MARK3: variants seen among roughly 807,000 people sequenced by gnomAD.
MARK3 encodes microtubule affinity regulating kinase 3, also known as MAP/microtubule affinity-regulating kinase 3.
MARK3 carries 46 observed loss-of-function variants against 90.1 expected under a neutral mutation model. That is an observed-to-expected ratio of 0.51 (90% CI 0.40 to 0.65). The LOEUF (loss-of-function observed/expected upper bound fraction) is 0.65, where lower values mean the gene tolerates loss of function less well. MARK3 is among the 30% of genes least tolerant of loss of function. MARK3 has a pLI of 0.00. For missense variants in MARK3, 818 were observed against 947.2 expected (o/e 0.86, Z 1.79); for synonymous variants, 321 against 332.6 (o/e 0.97, Z 0.38).
At chr14:103,450,916 G>GTGTGTGTGTTT (rs1358062005) in intron 4 of MARK3, among the ~76,000 whole-genome samples, 1 of 58,128 alleles carries the variant, frequency 1.7e-5, no homozygotes, top group Non-Finnish European at 3.5e-5. Context: ...GTGTGTGTGT[G>GTGTGTGTGTTT]TATTCTTTTT....
chr14:103,498,468 TA>T, intron 15 of MARK3, 33 bp from the exon 16 acceptor site: 5 of 1,184,738 alleles, frequency 4.2e-6, no homozygotes, highest in Non-Finnish European at 1.1e-6. Context: ...TTATTTTTGT[TA>T]ATTTTTTTTT....
intron 5 of MARK3, 67 bp downstream of exon 5, chr14:103,452,050 C>T: frequency 9.7e-7 from 1 of 1,027,764 alleles, no homozygotes; most frequent in South Asian, 1.3e-5. Context: ...CACAACCATA[C>T]TGCCCATATG....
chr14:103,491,063 G>A, intron 14 of MARK3: 2 of 1,287,882 alleles, frequency 1.6e-6, no homozygotes, highest in Non-Finnish European at 2.0e-6. Context: ...ACCCCAAGAT[G>A]ATGTTACCTC....
intron 3 of MARK3, among the ~76,000 whole-genome samples, chr14:103,441,979 A>G (rs2092868008): frequency 6.6e-6 from 1 of 152,214 alleles, no homozygotes; most frequent in African/African-American, 2.4e-5. Context: ...ATTAATAGAA[A>G]CACAGGCATG....
chr14:103,420,578 T>C (rs1367254658), intron 2 of MARK3, among the ~76,000 whole-genome samples: 1 of 152,186 alleles, frequency 6.6e-6, no homozygotes, highest in Non-Finnish European at 1.5e-5. Context: ...ATAAAAGTTA[T>C]AATTTTAACC....
At chr14:103,445,871 A>G (rs948552835) in intron 3 of MARK3, among the ~76,000 whole-genome samples, 7 of 152,210 alleles carry the variant, frequency 4.6e-5, no homozygotes, top group Admixed American at 3.3e-4. Flanking sequence ...CTCTGTAACA[A>G]GCATTGTGCT....
chr14:103,477,423 T>C (rs1246079774), intron 13 of MARK3, among the ~76,000 whole-genome samples: 1 of 151,606 alleles, frequency 6.6e-6, no homozygotes, highest in Non-Finnish European at 1.5e-5. Context: ...ACCGAGAAGA[T>C]GGAGGTTGCA....
chr14:103,431,101 T>G (rs2092568351), intron 3 of MARK3, among the ~76,000 whole-genome samples: 1 of 152,194 alleles, frequency 6.6e-6, no homozygotes, highest in African/African-American at 2.4e-5. Context: ...TGTTTTTGTT[T>G]TTTTGAGATG....
At chr14:103,432,995 A>G (rs2092625504) in intron 3 of MARK3, among the ~76,000 whole-genome samples, 1 of 152,184 alleles carries the variant, frequency 6.6e-6, no homozygotes, top group South Asian at 2.1e-4. Context: ...AGTTAATGTC[A>G]GGTTACTTCA....
At chr14:103,413,528 A>C (rs1049096065) in intron 2 of MARK3, among the ~76,000 whole-genome samples, 3 of 150,112 alleles carry the variant, frequency 2.0e-5, no homozygotes, top group Non-Finnish European at 4.4e-5. Context: ...GACTCAAGCA[A>C]CCTCCCACTT....
chr14:103,459,039 G>C (rs953521367), intron 6 of MARK3, among the ~76,000 whole-genome samples: 2 of 152,054 alleles, frequency 1.3e-5, no homozygotes, highest in African/African-American at 4.8e-5. Context: ...AGGAAATTCA[G>C]ATTTTTATTA....
intron 3 of MARK3, among the ~76,000 whole-genome samples, chr14:103,444,654 G>A (rs2092948388): frequency 6.6e-6 from 1 of 152,096 alleles, no homozygotes; most frequent in Non-Finnish European, 1.5e-5. Context: ...GCGGGCACCT[G>A]TAGTCCCAGC....
At chr14:103,487,727 T>C (rs906893124) in intron 14 of MARK3, among the ~76,000 whole-genome samples, 1 of 152,166 alleles carries the variant, frequency 6.6e-6, no homozygotes, top group Non-Finnish European at 1.5e-5. Context: ...CAAGAGATAG[T>C]TGTATTTAGC....
At chr14:103,491,299 A>G (rs986387761) in intron 14 of MARK3, 1 of 236,642 alleles carries the variant, frequency 4.2e-6, no homozygotes, top group Non-Finnish European at 8.1e-6. Flanking sequence ...GCCTTCGCGT[A>G]CTACAAAATG....
chr14:103,465,332 A>C (rs1315935838), intron 7 of MARK3, among the ~76,000 whole-genome samples: 3 of 152,162 alleles, frequency 2.0e-5, no homozygotes, highest in African/African-American at 7.2e-5. Context: ...TTGATGTTTA[A>C]ATTAGTGCTA....
intron 2 of MARK3, among the ~76,000 whole-genome samples, chr14:103,411,599 C>A (rs2091633657): frequency 6.6e-6 from 1 of 151,918 alleles, no homozygotes. Context: ...GTCAAGTTCC[C>A]CTCCTGATGA....
chr14:103,469,103 T>G (rs894265420), intron 12 of MARK3: 2 of 152,166 alleles, frequency 1.3e-5, no homozygotes, highest in Admixed American at 6.5e-5. Flanking sequence ...TGGCCACTTG[T>G]GGCTATCAAG....
Position 103,412,541 on chromosome 14 carries a change from C to G in MARK3, c.243+7274C>G, listed in dbSNP as rs999155969. The G allele has an allele frequency of 2.9e-5, 17 of 582,020 alleles. 1 individual carries two copies. The highest frequency in any genetic ancestry group is 5.3e-5 in the Non-Finnish European group (17 of 322,404). The allele number at this position is 582,020 out of a possible 1,614,324, so 36.1% of individuals were successfully genotyped here. ...TTGGGGGGATATCCGTGGCCTTGGTCTCGTCACAGTGCTGCTGTTCCCCCA... is the reference window on the plus strand; with the variant it reads ...TTGGGGGGATATCCGTGGCCTTGGTGTCGTCACAGTGCTGCTGTTCCCCCA... On this transcript the variant is annotated intron_variant, in intron 2 of 17. Transcript: ENST00000429436.
intron 2 of MARK3, among the ~76,000 whole-genome samples, chr14:103,422,117 T>C (rs1595589235): frequency 6.6e-6 from 1 of 152,234 alleles, no homozygotes; most frequent in Non-Finnish European, 1.5e-5. Flanking sequence ...TGACATTTTA[T>C]TTAAAGTCAT....
Sources: allele counts gnomAD v4.1 joint callset (sites outside exome capture counted in the v4.1 genomes callset), GRCh38; gene constraint gnomAD v4.1.1; transcripts MANE v1.5; gene names NCBI Gene and HGNC (gene_info 2026-07-23, HGNC 2026-07-21).